Variants in DSCAML1 observed in about 807,000 individuals in gnomAD.
The protein encoded by DSCAML1 is DS cell adhesion molecule like 1, also known as cell adhesion molecule DSCAML1.
In DSCAML1, 38 loss-of-function variants were observed where a neutral mutation model predicts 200.5. The observed-to-expected ratio is 0.19, with a 90% confidence interval of 0.15 to 0.25. The LOEUF (loss-of-function observed/expected upper bound fraction) is 0.25, where lower values mean the gene tolerates loss of function less well. Ranked by LOEUF, DSCAML1 falls within the 10% of genes least tolerant of loss-of-function variation. The pLI is 1.00. For missense variants in DSCAML1, 2,223 were observed against 2,858.8 expected, an observed-to-expected ratio of 0.78 and a Z score of 5.07; for synonymous variants, 1,215 against 1,165.0, an observed-to-expected ratio of 1.04 and a Z score of -0.87.
At chr11:117,763,071 C>G (rs1403732131) in intron 3 of DSCAML1, among the ~76,000 whole-genome samples, 1 of 152,144 alleles carries the variant, frequency 6.6e-6, no homozygotes, top group Non-Finnish European at 1.5e-5. Context: ...TGAGCTCCCA[C>G]ATTCCCCTTG....
intron 3 of DSCAML1, among the ~76,000 whole-genome samples, chr11:117,773,752 A>C (rs1281677737): frequency 1.3e-5 from 2 of 152,156 alleles, no homozygotes; most frequent in African/African-American, 2.4e-5. Context: ...GGAGTCCTCC[A>C]TGATCATGCT....
chr11:117,796,019 C>T (rs536324484), intron 1 of DSCAML1, among the ~76,000 whole-genome samples: 7 of 152,220 alleles, frequency 4.6e-5, no homozygotes, highest in African/African-American at 1.7e-4. Context: ...GGAGTTCGGC[C>T]GCCTCATCTC....
chr11:117,735,259 A>T (rs932220960), intron 3 of DSCAML1, among the ~76,000 whole-genome samples: 4 of 152,236 alleles, frequency 2.6e-5, no homozygotes, highest in Non-Finnish European at 5.9e-5. Context: ...AGGAACGCCA[A>T]AGAGTGTGTC....
At chr11:117,521,069 A>G (rs1232883869) in intron 6 of DSCAML1, 61 bp downstream of exon 6, 25 of 1,579,276 alleles carry the variant, frequency 1.6e-5, no homozygotes, top group Non-Finnish European at 2.2e-5. Context: ...CCTCAGCAGA[A>G]GGGAGGGAAT....
intron 3 of DSCAML1, among the ~76,000 whole-genome samples, chr11:117,654,047 AG>A (rs1186586095): frequency 6.6e-6 from 1 of 152,244 alleles, no homozygotes; most frequent in Non-Finnish European, 1.5e-5. Flanking sequence ...GTACTGATAT[AG>A]ATAAGCCTTC....
chr11:117,508,306 G>A (rs191479102), intron 8 of DSCAML1, among the ~76,000 whole-genome samples: 1 of 152,214 alleles, frequency 6.6e-6, no homozygotes, highest in African/African-American at 2.4e-5. Flanking sequence ...ATTAGGGCAC[G>A]TATCACATGG....
At position 117,777,069 on chromosome 11, in the gene DSCAML1, A is replaced by G. The variant is rs952670202; in HGVS notation, c.365-132T>C. Reference sequence around the variant, plus strand: ...CACCTTCCCACTTCTTCCTTCCCCCATCCTGCTTAGCCAGCCTAGAAGCCC... The same window carrying G: ...CACCTTCCCACTTCTTCCTTCCCCCGTCCTGCTTAGCCAGCCTAGAAGCCC... On this transcript the variant is annotated intron_variant, in intron 2 of 32. Transcript: ENST00000651296. 12 of 975,374 alleles carry G rather than the reference A, an allele frequency of 1.2e-5. No homozygotes were observed. In the African/African-American group the frequency reaches 1.8e-4, roughly 15 times the overall value. 60.4% of individuals were successfully genotyped at this position (975,374 alleles called of 1,614,324 possible). A position where few individuals can be genotyped will look rare whatever the true frequency, so the allele number is the denominator to read the frequency against.
intron 3 of DSCAML1, among the ~76,000 whole-genome samples, chr11:117,750,659 A>C (rs1015863625): frequency 6.6e-6 from 1 of 152,212 alleles, no homozygotes; most frequent in Non-Finnish European, 1.5e-5. Flanking sequence ...CCTAATCCCA[A>C]AATGAAGGTT....
At position 117,486,272 on chromosome 11, in the gene DSCAML1, A is replaced by G. The variant is rs535236452; in HGVS notation, c.2360-4110T>C. The stretch of plus-strand genomic sequence containing the variant: ...GGCGGATGGGAAAGTGGTGGATGGG[A>G]AAGTGGCGGATGTGAAAATGGCAGA... On this transcript the variant is annotated intron_variant, in intron 11 of 32. Coordinates refer to ENST00000651296, the MANE Select transcript of DSCAML1 (RefSeq NM_020693.4). 8.4e-4 allele frequency among the ~76,000 whole-genome samples: 127 copies of G among 151,204 alleles called. 1 individual carries two copies. The highest frequency in any genetic ancestry group is 3.4e-3 in the Middle Eastern group (1 of 294).
At chr11:117,816,386 G>A (rs2134093234) in intron 1 of DSCAML1, among the ~76,000 whole-genome samples, 1 of 152,342 alleles carries the variant, frequency 6.6e-6, no homozygotes, top group Non-Finnish European at 1.5e-5. Flanking sequence ...GAGCTGCCGT[G>A]GCATTTGCCT....
At chr11:117,481,075 ATGGCGTAGGCTG>A (rs2048905476) in intron 13 of DSCAML1, 87 bp downstream of exon 13, 2 of 1,155,474 alleles carry the variant, frequency 1.7e-6, no homozygotes, top group Non-Finnish European at 2.6e-6. Context: ...ATCCTCCACC[ATGGCGTAGGCTG>A]TGGCCCCTGC....
chr11:117,532,288 A>G, intron 4 of DSCAML1, 88 bp downstream of exon 4: 1 of 1,384,686 alleles, frequency 7.2e-7, no homozygotes, highest in Non-Finnish European at 9.8e-7. Flanking sequence ...GGGCTCCTCC[A>G]TCTGCGGTGG....
At chr11:117,428,946 C>T (rs576952971) in intron 32 of DSCAML1, 143 bp from the exon 33 acceptor site, 297 of 701,032 alleles carry the variant, frequency 4.2e-4, no homozygotes, top group Admixed American at 2.7e-3. Context: ...TAAAGAGTAG[C>T]GGAAAGGTCG....
chr11:117,643,507 G>C (rs2137599857), intron 3 of DSCAML1, among the ~76,000 whole-genome samples: 1 of 152,284 alleles, frequency 6.6e-6, no homozygotes, highest in African/African-American at 2.4e-5. Context: ...AATTTTTCTG[G>C]AGGGTGAGAG....
At chr11:117,486,289 AATGGCAGAT>A (rs1565730969) in intron 11 of DSCAML1, among the ~76,000 whole-genome samples, 38 of 150,670 alleles carry the variant, frequency 2.5e-4, no homozygotes, top group African/African-American at 8.3e-4. Context: ...CGGATGTGAA[AATGGCAGAT>A]GTGAAAGTAG....
intron 3 of DSCAML1, among the ~76,000 whole-genome samples, chr11:117,678,695 G>A (rs1332221694): frequency 6.6e-6 from 1 of 152,168 alleles, no homozygotes; most frequent in African/African-American, 2.4e-5. Flanking sequence ...GGGATAGCAA[G>A]TTCCAAGGCC....
intron 3 of DSCAML1, among the ~76,000 whole-genome samples, chr11:117,567,061 C>A (rs2050771709): frequency 1.3e-5 from 2 of 152,164 alleles, no homozygotes; most frequent in African/African-American, 4.8e-5. Flanking sequence ...ATCTTTATAG[C>A]AGCAGGATTT....
In DSCAML1 at chr11:117,577,771, T is replaced by C. The variant is rs558858715; in HGVS notation, c.512-45249A>G. Among the ~76,000 whole-genome samples, 4 of 151,464 alleles carry C rather than the reference T, an allele frequency of 2.6e-5. No homozygotes were observed. In the East Asian group the frequency reaches 7.9e-4, roughly 30 times the overall value. On this transcript the variant is annotated intron_variant, in intron 3 of 32. Transcript: ENST00000651296. ...TAGTAGAGACAGGGTTTCACCATGT[T>C]GGTCAGGCTAGTGTTGAACTACTGA...
At chr11:117,734,226 C>T (rs950233528) in intron 3 of DSCAML1, among the ~76,000 whole-genome samples, 1 of 152,236 alleles carries the variant, frequency 6.6e-6, no homozygotes, top group Non-Finnish European at 1.5e-5. Flanking sequence ...ACTGCTGGGA[C>T]ACTTCCAAAG....
Sources: allele counts gnomAD v4.1 joint callset (sites outside exome capture counted in the v4.1 genomes callset), GRCh38; gene constraint gnomAD v4.1.1; transcripts MANE v1.5; gene names NCBI Gene and HGNC (gene_info 2026-07-23, HGNC 2026-07-21).